PHACTR1: variants seen among roughly 807,000 people sequenced by gnomAD.
PHACTR1 encodes the protein phosphatase and actin regulator 1.
PHACTR1 carries 16 observed loss-of-function variants against 69.2 expected under a neutral mutation model. The ratio of observed to expected loss-of-function variants is 0.23; its 90% confidence interval spans 0.16 to 0.35. PHACTR1 has a LOEUF of 0.35. Ranked by LOEUF, PHACTR1 falls within the 10% of genes least tolerant of loss-of-function variation. PHACTR1 has a pLI of 1.00. For missense variants in PHACTR1, 510 were observed against 734.7 expected, an observed-to-expected ratio of 0.69 and a Z score of 3.54; for synonymous variants, 312 against 284.5, an observed-to-expected ratio of 1.10 and a Z score of -0.97.
At chr6:12,992,801 C>T (rs1796967252) in intron 4 of PHACTR1, among the ~76,000 whole-genome samples, 1 of 152,092 alleles carries the variant, frequency 6.6e-6, no homozygotes, top group Admixed American at 6.5e-5. Context: ...TGGTGAAATG[C>T]CCGGGGTGGG....
chr6:13,194,264 G>C (rs185600341), intron 7 of PHACTR1, among the ~76,000 whole-genome samples: 5 of 152,130 alleles, frequency 3.3e-5, no homozygotes, highest in African/African-American at 9.6e-5. Context: ...TTAGCTGGGC[G>C]TGGTGGCGCG....
At chr6:12,744,373 A>T (rs1462542588) in intron 3 of PHACTR1, among the ~76,000 whole-genome samples, 2 of 152,076 alleles carry the variant, frequency 1.3e-5, no homozygotes, top group Non-Finnish European at 2.9e-5. Context: ...TAGTTTCCAA[A>T]TTTTGGAGAA....
intron 6 of PHACTR1, among the ~76,000 whole-genome samples, chr6:13,167,822 A>G (rs1760031086): frequency 6.6e-6 from 1 of 152,252 alleles, no homozygotes; most frequent in South Asian, 2.1e-4. Context: ...AAGCTTCCTG[A>G]AATGGACAAC....
At chr6:13,254,374 T>C (rs955674499) in intron 10 of PHACTR1, among the ~76,000 whole-genome samples, 2 of 152,364 alleles carry the variant, frequency 1.3e-5, no homozygotes, top group East Asian at 3.9e-4. Context: ...ATTTTTTGGC[T>C]TAGTCCTCTT....
intron 4 of PHACTR1, among the ~76,000 whole-genome samples, chr6:12,867,823 G>A (rs1169753460): frequency 1.3e-5 from 2 of 152,190 alleles, no homozygotes; most frequent in Non-Finnish European, 2.9e-5. Context: ...ATTACCAGAA[G>A]CAAGGGGAAG....
Position 12,805,376 on chromosome 6 carries a change from A to G in PHACTR1, c.250+55586A>G, listed in dbSNP as rs907624512. Among the ~76,000 whole-genome samples the G allele has an allele frequency of 9.2e-5, 14 of 152,310 alleles. No homozygotes were observed. The East Asian group carries it at 2.7e-3, about 29-fold the overall frequency. ...TATCTCACTTTTCTAGAAGTGCGACACGTTTGTGTAGCTTTAAATTCTGTC... is the reference window on the plus strand; with the variant it reads ...TATCTCACTTTTCTAGAAGTGCGACGCGTTTGTGTAGCTTTAAATTCTGTC... On this transcript the variant is annotated intron_variant, in intron 4 of 14. Transcript: ENST00000332995.
In PHACTR1 at chr6:13,078,804, AGT is replaced by A. The variant is rs1810933186; in HGVS notation, c.415+25277_415+25278del. ...GTTGTATAGCCAGGAGCACATGCCC[AGT>A]GGCTAGAGAACTGCTTAAGAGAAAG... is the stretch of plus-strand genomic sequence containing the variant. On this transcript the variant is annotated intron_variant, in intron 5 of 14. Transcript: ENST00000332995. Among the ~76,000 whole-genome samples the A allele has an allele frequency of 6.6e-5, 10 of 152,318 alleles. No individual in the cohort carries two copies. In the South Asian group the frequency reaches 2.1e-3, roughly 32 times the overall value.
At chr6:13,077,079 C>G (rs1810604732) in intron 5 of PHACTR1, among the ~76,000 whole-genome samples, 1 of 139,222 alleles carries the variant, frequency 7.2e-6, no homozygotes, top group Non-Finnish European at 1.5e-5. Flanking sequence ...TACCCTAAAA[C>G]TTAAAGTATA....
At chr6:13,068,346 G>A (rs1198622293) in intron 5 of PHACTR1, among the ~76,000 whole-genome samples, 1 of 152,020 alleles carries the variant, frequency 6.6e-6, no homozygotes, top group Non-Finnish European at 1.5e-5. Context: ...CAAAAAACTG[G>A]CATTCTATAA....
At chr6:12,859,699 CT>C (rs1780748413) in intron 4 of PHACTR1, among the ~76,000 whole-genome samples, 1 of 152,128 alleles carries the variant, frequency 6.6e-6, no homozygotes, top group Non-Finnish European at 1.5e-5. Flanking sequence ...ACCAAGTAGC[CT>C]GCCTGTCCCC....
intron 4 of PHACTR1, among the ~76,000 whole-genome samples, chr6:12,775,840 T>C (rs938719297): frequency 7.9e-5 from 12 of 152,216 alleles, no homozygotes; most frequent in Non-Finnish European, 1.8e-4. Flanking sequence ...TCAACCATTT[T>C]CATTGATTCT....
chr6:12,969,736 C>T (rs913582917), intron 4 of PHACTR1, among the ~76,000 whole-genome samples: 2 of 151,966 alleles, frequency 1.3e-5, no homozygotes, highest in South Asian at 2.1e-4. Flanking sequence ...CCAATACAGG[C>T]GGATCACTTG....
intron 7 of PHACTR1, among the ~76,000 whole-genome samples, chr6:13,201,948 G>A (rs1765297402): frequency 6.6e-6 from 1 of 152,178 alleles, no homozygotes; most frequent in African/African-American, 2.4e-5. Context: ...TCATTTTTAT[G>A]AAATCCACTG....
chr6:12,964,920 A>G (rs751270128), intron 4 of PHACTR1, among the ~76,000 whole-genome samples: 1 of 152,076 alleles, frequency 6.6e-6, no homozygotes, highest in Non-Finnish European at 1.5e-5. Flanking sequence ...CTTGATATCC[A>G]TAGGGAACCA....
At chr6:13,261,244 T>C (rs1326779970) in intron 10 of PHACTR1, among the ~76,000 whole-genome samples, 1 of 152,164 alleles carries the variant, frequency 6.6e-6, no homozygotes, top group African/African-American at 2.4e-5. Context: ...GAGGCTGGCG[T>C]AGGAGGACAG....
intron 3 of PHACTR1, among the ~76,000 whole-genome samples, chr6:12,725,996 T>C (rs923793798): frequency 2.0e-5 from 3 of 152,164 alleles, no homozygotes; most frequent in African/African-American, 7.2e-5. Flanking sequence ...CTAACACTTT[T>C]AAAGAATTAA....
At chr6:12,918,942 G>T (rs1481734665) in intron 4 of PHACTR1, among the ~76,000 whole-genome samples, 44 of 152,136 alleles carry the variant, frequency 2.9e-4, no homozygotes, top group Admixed American at 2.9e-3. Context: ...TTAAAATGCA[G>T]TTGTTTTATA....
intron 4 of PHACTR1, among the ~76,000 whole-genome samples, chr6:12,823,078 A>G (rs1345758551): frequency 3.9e-5 from 6 of 152,176 alleles, no homozygotes; most frequent in Non-Finnish European, 7.3e-5. Flanking sequence ...ATATCGAGGC[A>G]AAATTGCAAA....
chr6:13,182,702 G>C lies in PHACTR1; in HGVS notation c.664+16G>C, dbSNP rs1289948962. 3.3e-6 allele frequency: 5 copies of C among 1,517,468 alleles called. No individual in the cohort carries two copies. The South Asian group carries it at 6.7e-5, about 20-fold the overall frequency. 94.0% of individuals were successfully genotyped at this position (1,517,468 alleles called of 1,614,324 possible). A position where few individuals can be genotyped will look rare whatever the true frequency, so the allele number is the denominator to read the frequency against. On this transcript the variant is annotated intron_variant, in intron 7 of 14. Coordinates refer to ENST00000332995, the MANE Select transcript of PHACTR1 (RefSeq NM_030948.6). ...GATGGGCCAGGTAATGCCCCGGCAG[G>C]ATTGTAGAGCAGGTCCCAGACACCA...
Sources: allele counts gnomAD v4.1 joint callset (sites outside exome capture counted in the v4.1 genomes callset), GRCh38; gene constraint gnomAD v4.1.1; transcripts MANE v1.5; gene names NCBI Gene and HGNC (gene_info 2026-07-23, HGNC 2026-07-21).